Variants in SRC observed in about 807,000 individuals in gnomAD.
SRC encodes the protein SRC proto-oncogene, non-receptor tyrosine kinase, also known as proto-oncogene tyrosine-protein kinase Src.
In SRC, 13 loss-of-function variants were observed where a neutral mutation model predicts 62.9. That is an observed-to-expected ratio of 0.21 (90% CI 0.13 to 0.33). SRC has a LOEUF of 0.33. Among genes scored for constraint, SRC ranks in the 10% least tolerant of loss-of-function variants. The pLI is 1.00. For missense variants in SRC, 457 were observed against 737.3 expected (o/e 0.62, Z 4.40); for synonymous variants, 302 against 317.5 (o/e 0.95, Z 0.52).
At position 37,402,798 on chromosome 20, in the gene SRC, C is replaced by G; in HGVS notation, c.1320C>G (p.Gly440=). The G allele has an allele frequency of 6.2e-7, 1 of 1,614,024 alleles. No homozygotes were observed. The highest frequency in any genetic ancestry group is 2.2e-5 in the East Asian group (1 of 44,868). The part of the protein sequence containing the change: ...KWTAPEAALY[G]RFTIKSDVWS... Reference sequence around the variant, plus strand: ...CGGCTCCAGAAGCTGCCCTCTATGGCCGCTTCACCATCAAGTCGGACGTGT... The same window carrying G: ...CGGCTCCAGAAGCTGCCCTCTATGGGCGCTTCACCATCAAGTCGGACGTGT... Residue 440 remains glycine, a synonymous_variant, in exon 13 of 14, where the codon GGC becomes GGG. Transcript: ENST00000373578. This position sits in a 1 kb window ranked among gnomAD's most constrained non-coding sequence, Gnocchi z 6.2.
At position 37,403,432 on chromosome 20, in the gene SRC, C is replaced by T. The variant is rs997427183; in HGVS notation, c.*53C>T. On this transcript the variant is annotated 3_prime_UTR_variant, in exon 14 of 14. Coordinates refer to ENST00000373578, the MANE Select transcript of SRC (RefSeq NM_198291.3). This position sits in a 1 kb window ranked among gnomAD's most constrained non-coding sequence, Gnocchi z 7.1. Reference sequence around the variant, plus strand: ...GGCTTGGATCCTGGGCTGGGTGGCCCCTGTCTCGGGGCTTGCCCCACTCTG... The same window carrying T: ...GGCTTGGATCCTGGGCTGGGTGGCCTCTGTCTCGGGGCTTGCCCCACTCTG... 1.3e-4 allele frequency: 203 copies of T among 1,513,688 alleles called. 1 individual carries two copies. In the Admixed American group the frequency reaches 3.9e-3, roughly 29 times the overall value. 93.8% of individuals were successfully genotyped at this position (1,513,688 alleles called of 1,614,324 possible). A position where few individuals can be genotyped will look rare whatever the true frequency, so the allele number is the denominator to read the frequency against.
chr20:37,381,022 G>A (rs958426353), intron 2 of SRC, among the ~76,000 whole-genome samples: 7 of 151,902 alleles, frequency 4.6e-5, no homozygotes, highest in South Asian at 2.1e-4. Flanking sequence ...TGTTATTCCC[G>A]ATCGATAGAG....
rs78806620 is a variant in SRC, at chr20:37,391,066, C to G, written c.351-2829C>G. Among the ~76,000 whole-genome samples the G allele has an allele frequency of 6.9e-3, 1,053 of 152,346 alleles. 11 individuals carry two copies. Among genetic ancestry groups the G allele is most frequent in the African/African-American group, 0.023 (963 of 41,568 alleles). ...CGGGTAGCATCGGCTGCACTCCTCT[C>G]GCTCTTGGGCCCTGCTTGGCTGGCC... On this transcript the variant is annotated intron_variant, in intron 5 of 13. Coordinates refer to ENST00000373578, the MANE Select transcript of SRC (RefSeq NM_198291.3).
At position 37,406,016 on chromosome 20, in the gene SRC, C is replaced by G. The variant is rs1284695440; in HGVS notation, c.*2637C>G. On this transcript the variant is annotated 3_prime_UTR_variant, in exon 14 of 14. Transcript: ENST00000373578. ...GCACCGGAGTCAACTCTGGCCACGA[C>G]ATTGCTTAATTAAAAACAAATTTCA... The G allele has an allele frequency of 2.6e-5, 4 of 152,276 alleles. No individual in the cohort carries two copies. Among genetic ancestry groups the G allele is most frequent in the Non-Finnish European group, 4.4e-5 (3 of 68,040 alleles). The allele number at this position is 152,276 out of a possible 1,614,324, so 9.4% of individuals were successfully genotyped here. A position where few individuals can be genotyped will look rare whatever the true frequency, so the allele number is the denominator to read the frequency against.
intron 2 of SRC, among the ~76,000 whole-genome samples, chr20:37,376,908 A>G (rs2070286956): frequency 6.6e-6 from 1 of 152,152 alleles, no homozygotes; most frequent in South Asian, 2.1e-4. Context: ...GTTGCTTTGG[A>G]CCATGGGGTC....
intron 2 of SRC, among the ~76,000 whole-genome samples, chr20:37,373,416 C>A (rs544996270): frequency 6.7e-6 from 1 of 149,700 alleles, no homozygotes; most frequent in Non-Finnish European, 1.5e-5. Flanking sequence ...CGCATATATA[C>A]GCATATATGC....
intron 5 of SRC, 164 bp downstream of exon 5, chr20:37,386,338 G>T (rs2070455096): frequency 2.7e-6 from 2 of 750,164 alleles, no homozygotes; most frequent in Admixed American, 3.9e-5. Flanking sequence ...TCTCGCCCTG[G>T]GCAGCACCTG....
At chr20:37,387,619 G>C (rs2070478686) in intron 5 of SRC, among the ~76,000 whole-genome samples, 1 of 152,252 alleles carries the variant, frequency 6.6e-6, no homozygotes, top group Non-Finnish European at 1.5e-5. Context: ...CTGGTGCGAA[G>C]CTACAGTTTC....
rs1490560104 is a variant in SRC at position 37,398,748 on chromosome 20, A to T, written c.859+894A>T. Among the ~76,000 whole-genome samples the T allele has an allele frequency of 6.6e-6, 1 of 152,208 alleles. No individual in the cohort carries two copies. The highest frequency in any genetic ancestry group is 2.4e-5 in the African/African-American group (1 of 41,466). On this transcript the variant is annotated intron_variant, in intron 9 of 13. Coordinates refer to ENST00000373578, the MANE Select transcript of SRC (RefSeq NM_198291.3). The surrounding 1 kb of genome is among the most constrained non-coding windows in gnomAD (Gnocchi z 5.2). ...GAGGACTTGAGCAACACCTGGGTGA[A>T]TGCACAGCGTCAGCCATTATGGTGG... is the stretch of plus-strand genomic sequence containing the variant.
At chr20:37,355,200 T>C (rs2039403931) in intron 1 of SRC, among the ~76,000 whole-genome samples, 1 of 152,092 alleles carries the variant, frequency 6.6e-6, no homozygotes, top group African/African-American at 2.4e-5. Flanking sequence ...AACTTTAGAT[T>C]TGTGTTTGAA....
chr20:37,389,998 G>C (rs1280675049), intron 5 of SRC, among the ~76,000 whole-genome samples: 1 of 152,140 alleles, frequency 6.6e-6, no homozygotes, highest in East Asian at 1.9e-4. Flanking sequence ...GCCACCGGAG[G>C]CAGCTTTGAG....
intron 1 of SRC, among the ~76,000 whole-genome samples, chr20:37,346,658 C>G (rs1017153651): frequency 1.3e-5 from 2 of 151,814 alleles, no homozygotes; most frequent in Non-Finnish European, 2.9e-5. Flanking sequence ...CCTGCGCCCC[C>G]CGGCCCCGGG....
At chr20:37,362,592 C>T (rs1975617700) in intron 1 of SRC, among the ~76,000 whole-genome samples, 1 of 152,148 alleles carries the variant, frequency 6.6e-6, no homozygotes, top group South Asian at 2.1e-4. Context: ...TTCTCTGAGC[C>T]TTAGCCTCCT....
chr20:37,402,345 G>T lies in SRC; in HGVS notation c.1117-90G>T. 9 of 1,501,846 alleles carry T rather than the reference G, an allele frequency of 6.0e-6. No individual in the cohort carries two copies. The highest frequency in any genetic ancestry group is 8.1e-6 in the Non-Finnish European group (9 of 1,108,814). The allele number at this position is 1,501,846 out of a possible 1,614,324, so 93.0% of individuals were successfully genotyped here. The stretch of plus-strand genomic sequence containing the variant: ...AAGAAGTGTGGGGAGGGTGGGGAAG[G>T]GGTGGTTGGCTCTCCAGCCCCAGAG... On this transcript the variant is annotated intron_variant, in intron 11 of 13. Transcript: ENST00000373578. This position sits in a 1 kb window ranked among gnomAD's most constrained non-coding sequence, Gnocchi z 6.2.
chr20:37,368,797 C>G (rs1373823754), intron 2 of SRC, among the ~76,000 whole-genome samples: 1 of 151,706 alleles, frequency 6.6e-6, no homozygotes, highest in Non-Finnish European at 1.5e-5. Flanking sequence ...GTGATCCGCC[C>G]GCCTCGGCCT....
At position 37,375,112 on chromosome 20, in the gene SRC, G is replaced by A. The variant is rs183998658; in HGVS notation, c.-172-7507G>A. On this transcript the variant is annotated intron_variant, in intron 2 of 13. Transcript: ENST00000373578. ...TGCCTGACTAATTTTTGTATTTTTA[G>A]TAGAGACGAGGTTTCACCATGTTGG... Among the ~76,000 whole-genome samples the A allele has an allele frequency of 1.9e-3, 290 of 150,422 alleles. 1 individual carries two copies. The highest frequency in any genetic ancestry group is 3.7e-3 in the Non-Finnish European group (249 of 67,596).
intron 1 of SRC, among the ~76,000 whole-genome samples, chr20:37,364,076 C>T (rs2070024069): frequency 6.6e-6 from 1 of 152,114 alleles, no homozygotes; most frequent in South Asian, 2.1e-4. Flanking sequence ...TCTCCCCTGC[C>T]ATTGGGGTAC....
At chr20:37,355,398 C>T (rs779368992) in intron 1 of SRC, among the ~76,000 whole-genome samples, 3 of 152,182 alleles carry the variant, frequency 2.0e-5, no homozygotes, top group Non-Finnish European at 2.9e-5. Context: ...CTCCCCCCTC[C>T]GCCCACTCCA....
rs139409373 is a variant in SRC, at chr20:37,404,917, C to T, written c.*1538C>T. The T allele has an allele frequency of 1.9e-3, 434 of 233,454 alleles. 2 individuals are homozygous for T. Among genetic ancestry groups the T allele is most frequent in the African/African-American group, 8.9e-3 (403 of 45,264 alleles). 14.5% of individuals were successfully genotyped at this position (233,454 alleles called of 1,614,324 possible). A position where few individuals can be genotyped will look rare whatever the true frequency, so the allele number is the denominator to read the frequency against. ...GTGCATGTGTGCGTGTCTCCATGTGCGTCCATATTTAACATGTAAAAATGT... is the reference window on the plus strand; with the variant it reads ...GTGCATGTGTGCGTGTCTCCATGTGTGTCCATATTTAACATGTAAAAATGT... On this transcript the variant is annotated 3_prime_UTR_variant, in exon 14 of 14. Transcript: ENST00000373578.
Sources: gnomAD v4.1 joint callset for allele counts (sites outside exome capture counted in the v4.1 genomes callset) on GRCh38, gnomAD v4.1.1 for gene constraint, Gnocchi (gnomAD v3.1) non-coding constraint, MANE v1.5 for transcripts, NCBI Gene and HGNC (gene_info 2026-07-23, HGNC 2026-07-21) for gene names.